Variants in SLC8A2 observed in about 807,000 individuals in gnomAD.
SLC8A2 encodes solute carrier family 8 member A2, also known as sodium/calcium exchanger 2.
SLC8A2 carries 14 observed loss-of-function variants against 70.2 expected under a neutral mutation model. The ratio of observed to expected loss-of-function variants is 0.20; its 90% CI spans 0.13 to 0.31. The LOEUF (loss-of-function observed/expected upper bound fraction) is 0.31. Among genes scored for constraint, SLC8A2 ranks in the 10% least tolerant of loss-of-function variants. The pLI is 1.00. For synonymous variants in SLC8A2, 575 were observed against 594.3 expected, an observed-to-expected ratio of 0.97 and a Z score of 0.47; for missense variants, 779 against 1,320.1, an observed-to-expected ratio of 0.59 and a Z score of 6.35.
rs773169307 is a variant in SLC8A2, at chr19:47,465,069, A to C, written c.675+660T>G. On this transcript the variant is annotated intron_variant, in intron 2 of 9. Coordinates refer to ENST00000236877, the MANE Select transcript of SLC8A2 (RefSeq NM_015063.3). This position sits in a 1 kb window ranked among gnomAD's most constrained non-coding sequence, Gnocchi z 5.5. ...CTGAAGTGGCATAAATTATCCCAAC[A>C]TCAGAAATTGATGATGAATAATGAA... is the stretch of plus-strand genomic sequence containing the variant. Among the ~76,000 whole-genome samples, 2 of 152,258 alleles carry C rather than the reference A, an allele frequency of 1.3e-5. No homozygotes were observed. Among genetic ancestry groups the C allele is most frequent in the Non-Finnish European group, 2.9e-5 (2 of 68,048 alleles).
Position 47,429,117 on chromosome 19 carries a change from CACTGAGGGCAAAAGGAACCTT to C in SLC8A2, c.*951_*971del, listed in dbSNP as rs1289810268. 2 of 150,692 alleles carry C rather than the reference CACTGAGGGCAAAAGGAACCTT, an allele frequency of 1.3e-5. No homozygotes were observed. The highest frequency in any genetic ancestry group is 4.0e-4 in the East Asian group (2 of 4,994). 9.3% of individuals were successfully genotyped at this position (150,692 alleles called of 1,614,324 possible). A position where few individuals can be genotyped will look rare whatever the true frequency, so the allele number is the denominator to read the frequency against. Reference sequence around the variant, plus strand: ...CGAGGGTCCTGCCCGGATTGGCTGGCACTGAGGGCAAAAGGAACCTTCCAGATTGTCAGGGGAGATCAACTG... The same window carrying C: ...CGAGGGTCCTGCCCGGATTGGCTGGCCCAGATTGTCAGGGGAGATCAACTG... On this transcript the variant is annotated 3_prime_UTR_variant, in exon 10 of 10. Coordinates refer to ENST00000236877, the MANE Select transcript of SLC8A2 (RefSeq NM_015063.3).
Position 47,456,952 on chromosome 19 carries a change from C to T in SLC8A2, c.1318G>A (p.Ala440Thr). 1 of 1,609,342 alleles carries T rather than the reference C, an allele frequency of 6.2e-7. No individual in the cohort carries two copies. Among genetic ancestry groups the T allele is most frequent in the South Asian group, 1.1e-5 (1 of 90,586 alleles). The change falls in exon 3 of 10, where the codon GCG becomes ACG. Residue 440 changes from alanine to threonine, a missense_variant. Ala to Thr is a moderately conservative substitution (Grantham distance 58). Transcript: ENST00000236877. ...DYRTEDGSAK[A>T]GSDYEYSEGT... ...CACCTGTACTCGTAGTCGGAGCCCG[C>T]CTTGGCAGAGCCGTCCTCAGTGCGG...
chr19:47,453,535 G>A (rs1406193778), intron 3 of SLC8A2, among the ~76,000 whole-genome samples: 1 of 152,204 alleles, frequency 6.6e-6, no homozygotes, highest in Non-Finnish European at 1.5e-5. Context: ...AATCAAGGAA[G>A]GATAGGAAGA....
chr19:47,443,918 C>CA (rs1967128404), intron 4 of SLC8A2, among the ~76,000 whole-genome samples: 1 of 151,936 alleles, frequency 6.6e-6, no homozygotes, highest in African/African-American at 2.4e-5. Context: ...TTTTTTGAAA[C>CA]AAAGTCTCGC....
chr19:47,430,384 A>T lies in SLC8A2; in HGVS notation c.2471T>A (p.Val824Glu). The change falls in exon 10 of 10, where the codon GTG becomes GAG. Residue 824 changes from valine to glutamate, a missense_variant. This residue lies in a region of SLC8A2 where 108 missense variants were observed against 269.6 expected (regional missense o/e 0.40). Coordinates refer to ENST00000236877, the MANE Select transcript of SLC8A2 (RefSeq NM_015063.3). The surrounding 1 kb of genome is among the most constrained non-coding windows in gnomAD (Gnocchi z 5.9). ...SIGNVTGSNA[V>E]NVFLGLGVAW... ...GACGCCCAGGCCAAGGAACACGTTC[A>T]CCGCGTTGGAGCCGGTCACGTTGCC... 1 of 1,611,212 alleles carries T rather than the reference A, an allele frequency of 6.2e-7. No homozygotes were observed. Among genetic ancestry groups the T allele is most frequent in the Non-Finnish European group, 8.5e-7 (1 of 1,179,378 alleles).
intron 3 of SLC8A2, 75 bp downstream of exon 3, chr19:47,456,855 G>C: frequency 1.4e-6 from 2 of 1,418,628 alleles, no homozygotes; most frequent in South Asian, 2.8e-5. Context: ...GAGGCGAAGA[G>C]CCTGGAGGCC....
At chr19:47,452,681 G>A (rs1427265152) in intron 3 of SLC8A2, among the ~76,000 whole-genome samples, 1 of 152,096 alleles carries the variant, frequency 6.6e-6, no homozygotes, top group Non-Finnish European at 1.5e-5. Context: ...CACAGAATCT[G>A]AGAAGATAAA....
At position 47,430,573 on chromosome 19, in the gene SLC8A2, C is replaced by A; in HGVS notation, c.2390-108G>T. On this transcript the variant is annotated intron_variant, in intron 9 of 9. Transcript: ENST00000236877. The surrounding 1 kb of genome is among the most constrained non-coding windows in gnomAD (Gnocchi z 5.9). ...TTCCCGGTCGCCTGCTTTCTGCGGG[C>A]AGTGTGGGCTCAAGACCCCTGACCC... is the stretch of plus-strand genomic sequence containing the variant. The A allele has an allele frequency of 1.1e-5, 14 of 1,263,112 alleles. No individual in the cohort carries two copies. The highest frequency in any genetic ancestry group is 1.5e-5 in the Non-Finnish European group (14 of 938,720). The allele number at this position is 1,263,112 out of a possible 1,614,324, so 78.2% of individuals were successfully genotyped here. A position where few individuals can be genotyped will look rare whatever the true frequency, so the allele number is the denominator to read the frequency against.
chr19:47,457,671 C>T, intron 2 of SLC8A2, 77 bp from the exon 3 acceptor site: 3 of 968,910 alleles, frequency 3.1e-6, no homozygotes, highest in South Asian at 1.8e-5. Context: ...AGTCTCTGTC[C>T]GCCTCTGCCA....
At position 47,432,658 on chromosome 19, in the gene SLC8A2, ATATT is replaced by A. The variant is rs1966980080; in HGVS notation, c.2111-217_2111-214del. On this transcript the variant is annotated intron_variant, in intron 8 of 9. Coordinates refer to ENST00000236877, the MANE Select transcript of SLC8A2 (RefSeq NM_015063.3). This position sits in a 1 kb window ranked among gnomAD's most constrained non-coding sequence, Gnocchi z 6.2. ...GAGCTTGATTGGGCCCAGGTGAAAAATATTTACTTTCCCAGAATCCTTTGGATCT... is the reference window on the plus strand; with the variant it reads ...GAGCTTGATTGGGCCCAGGTGAAAAATACTTTCCCAGAATCCTTTGGATCT... 2.1e-6 allele frequency: 1 copy of A among 485,416 alleles called. No individual in the cohort carries two copies. Among genetic ancestry groups the A allele is most frequent in the South Asian group, 4.2e-5 (1 of 23,656 alleles). 30.1% of individuals were successfully genotyped at this position (485,416 alleles called of 1,614,324 possible). A position where few individuals can be genotyped will look rare whatever the true frequency, so the allele number is the denominator to read the frequency against.
chr19:47,434,451 G>A (rs1052668262), intron 8 of SLC8A2, among the ~76,000 whole-genome samples: 3 of 152,056 alleles, frequency 2.0e-5, no homozygotes, highest in Non-Finnish European at 4.4e-5. Context: ...CACCTCTCTG[G>A]GCTTCTGGGT....
At chr19:47,435,467 C>A (rs1967015493) in intron 8 of SLC8A2, among the ~76,000 whole-genome samples, 1 of 151,940 alleles carries the variant, frequency 6.6e-6, no homozygotes, top group African/African-American at 2.4e-5. Context: ...GCTCAAAGAG[C>A]CCCTTGCCAT....
rs370294158 is a variant in SLC8A2 at position 47,437,990 on chromosome 19, G to A, written c.1886-17C>T. 92 of 1,613,866 alleles carry A rather than the reference G, an allele frequency of 5.7e-5. No individual in the cohort carries two copies. Among genetic ancestry groups the A allele is most frequent in the Non-Finnish European group, 9.3e-6 (11 of 1,179,984 alleles). ...CCCCATCCCCTGCAGCATGAGGGGT[G>A]GGGGTTAGACTCCTGGGAGACCTAC... is the stretch of plus-strand genomic sequence containing the variant. On this transcript the variant is annotated splice_polypyrimidine_tract_variant and intron_variant, in intron 6 of 9. Coordinates refer to ENST00000236877, the MANE Select transcript of SLC8A2 (RefSeq NM_015063.3).
At chr19:47,449,246 G>A (rs919616039) in intron 3 of SLC8A2, among the ~76,000 whole-genome samples, 1 of 152,136 alleles carries the variant, frequency 6.6e-6, no homozygotes, top group Admixed American at 6.6e-5. Flanking sequence ...TTTTGGAGGA[G>A]GTAACATTTG....
rs1555751119 is a variant in SLC8A2 at position 47,466,252 on chromosome 19, G to A, written c.152C>T (p.Pro51Leu). ...GGCQGSYRCQPGVLLPVWEPD... is the reference protein window; with the variant it reads ...GGCQGSYRCQLGVLLPVWEPD... ...CTCCCACACGGGCAGCAGCACCCCC[G>A]GCTGGCAGCGGTAGGACCCCTGGCA... is the stretch of plus-strand genomic sequence containing the variant. The change falls in exon 2 of 10, where the codon CCG becomes CTG. Residue 51 changes from proline (P) to leucine (L), a missense_variant. Physicochemically the swap from Pro to Leu is moderately conservative, Grantham distance 98. This residue lies in a region of SLC8A2 where 155 missense variants were observed against 318.6 expected (regional missense o/e 0.49). Transcript: ENST00000236877. This position sits in a 1 kb window ranked among gnomAD's most constrained non-coding sequence, Gnocchi z 6.9. 3.8e-6 allele frequency: 6 copies of A among 1,594,050 alleles called. No homozygotes were observed. Among genetic ancestry groups the A allele is most frequent in the East Asian group, 2.2e-5 (1 of 44,548 alleles).
rs1027170817 is a variant in SLC8A2, at chr19:47,456,794, GGAAT to G, written c.1340+132_1340+135del. Reference sequence around the variant, plus strand: ...GCGCCTGGCACAAAGCAGGCTCTCAGGAATGAATGAATGAACAAATGAACCAATG... The same window carrying G: ...GCGCCTGGCACAAAGCAGGCTCTCAGGAATGAATGAACAAATGAACCAATG... On this transcript the variant is annotated intron_variant, in intron 3 of 9. Transcript: ENST00000236877. 1.6e-5 allele frequency: 15 copies of G among 940,892 alleles called. No homozygotes were observed. The African/African-American group carries it at 2.4e-4, about 15-fold the overall frequency. The allele number at this position is 940,892 out of a possible 1,614,324, so 58.3% of individuals were successfully genotyped here.
At position 47,433,417 on chromosome 19, in the gene SLC8A2, G is replaced by A. The variant is rs115784731; in HGVS notation, c.2111-972C>T. 6.3e-3 allele frequency among the ~76,000 whole-genome samples: 960 copies of A among 152,336 alleles called. 14 individuals carry two copies. The highest frequency in any genetic ancestry group is 0.022 in the African/African-American group (925 of 41,576). On this transcript the variant is annotated intron_variant, in intron 8 of 9. Coordinates refer to ENST00000236877, the MANE Select transcript of SLC8A2 (RefSeq NM_015063.3). ...ATTCACTTTCCCAGAATCCCTTGCA[G>A]TTGGCAGTTGCCATGTCCCTGGCTA...
chr19:47,457,313 G>C lies in SLC8A2; in HGVS notation c.957C>G (p.Leu319=). The change falls in exon 3 of 10, where the codon CTC becomes CTG. Residue 319 remains leucine (L), a synonymous_variant. Transcript: ENST00000236877. ...DASRREVIQI[L]KDLKQKHPDK... Reference sequence around the variant, plus strand: ...CCGGGTGCTTCTGCTTGAGGTCCTTGAGGATCTGGATGACCTCGCGGCGGC... The same window carrying C: ...CCGGGTGCTTCTGCTTGAGGTCCTTCAGGATCTGGATGACCTCGCGGCGGC... The C allele has an allele frequency of 6.5e-7, 1 of 1,544,876 alleles. No individual in the cohort carries two copies. The highest frequency in any genetic ancestry group is 8.7e-7 in the Non-Finnish European group (1 of 1,144,956).
Position 47,447,772 on chromosome 19 carries a change from G to T in SLC8A2, c.1763+37C>A. ...CACATCAGGCCTCGCCCATTCCGAA[G>T]CCCCGCCCCTCTCCGGGCCGCCTCG... On this transcript the variant is annotated intron_variant, in intron 4 of 9. Transcript: ENST00000236877. This position sits in a 1 kb window ranked among gnomAD's most constrained non-coding sequence, Gnocchi z 5.1. The T allele has an allele frequency of 6.5e-7, 1 of 1,539,086 alleles. No individual in the cohort carries two copies. The highest frequency in any genetic ancestry group is 8.7e-7 in the Non-Finnish European group (1 of 1,154,424).
Sources: gnomAD v4.1 joint callset for allele counts (sites outside exome capture counted in the v4.1 genomes callset) on GRCh38, gnomAD v4.1.1 for gene constraint, gnomAD v4.1.1 regional missense constraint, Gnocchi (gnomAD v3.1) non-coding constraint, MANE v1.5 for transcripts, NCBI Gene and HGNC (gene_info 2026-07-23, HGNC 2026-07-21) for gene names.